Variants in IL2RA observed in about 807,000 individuals in gnomAD.
The protein encoded by IL2RA is interleukin 2 receptor subunit alpha.
Under a neutral mutation model 37.8 loss-of-function variants are expected in IL2RA, and 24 were observed. The ratio of observed to expected loss-of-function variants is 0.63; its 90% CI spans 0.46 to 0.89. IL2RA has a LOEUF of 0.89. Among genes scored for constraint, IL2RA ranks in the 40% least tolerant of loss-of-function variants. The pLI, the probability that IL2RA is intolerant of heterozygous loss-of-function variation, is 0.00. For synonymous variants in IL2RA, 125 were observed against 114.6 expected (o/e 1.09, Z -0.58); for missense variants, 319 against 348.6 (o/e 0.92, Z 0.68).
In IL2RA at chr10:6,021,768, G is replaced by A; in HGVS notation, c.368-75C>T. On this transcript the variant is annotated intron_variant, in intron 3 of 7. Transcript: ENST00000379959. This position sits in a 1 kb window ranked among gnomAD's most constrained non-coding sequence, Gnocchi z 4.9. Reference sequence around the variant, plus strand: ...AGTGAGTCCAGGTTGCCTCTTGCTAGGGACTGGACCTTGGTTCTTACTCTC... The same window carrying A: ...AGTGAGTCCAGGTTGCCTCTTGCTAAGGACTGGACCTTGGTTCTTACTCTC... 8.7e-7 allele frequency: 1 copy of A among 1,150,858 alleles called. No homozygotes were observed. The highest frequency in any genetic ancestry group is 2.3e-5 in the East Asian group (1 of 42,674). 71.3% of individuals were successfully genotyped at this position (1,150,858 alleles called of 1,614,324 possible).
chr10:6,016,577 C>CTT (rs749966800), intron 7 of IL2RA, among the ~76,000 whole-genome samples: 4,127 of 145,750 alleles, frequency 0.028, 94 homozygotes, highest in Middle Eastern at 0.08. Context: ...TTACCTTTTT[C>CTT]TTTTTTTTTT....
rs1839441567 is a variant in IL2RA, at chr10:6,024,290, T to G, written c.321A>C (p.Thr107=). The change falls in exon 3 of 8, where the codon ACA becomes ACC. Residue 107 remains threonine, a synonymous_variant. Transcript: ENST00000379959. ...QPEEQKERKT[T]EMQSPMQPVD... Reference sequence around the variant, plus strand: ...CTGGCTGCATTGGACTTTGCATTTCTGTGGTTTTCCTTTCTTTCTGTTCTT... The same window carrying G: ...CTGGCTGCATTGGACTTTGCATTTCGGTGGTTTTCCTTTCTTTCTGTTCTT... 6.2e-7 allele frequency: 1 copy of G among 1,614,210 alleles called. No individual in the cohort carries two copies. Among genetic ancestry groups the G allele is most frequent in the Non-Finnish European group, 8.5e-7 (1 of 1,180,006 alleles).
intron 1 of IL2RA, among the ~76,000 whole-genome samples, chr10:6,059,298 A>G (rs1252814819): frequency 6.6e-6 from 1 of 152,170 alleles, no homozygotes; most frequent in Non-Finnish European, 1.5e-5. Flanking sequence ...ATGAACAGAA[A>G]CAGAACAATC....
In IL2RA at chr10:6,020,691, C is replaced by CAGG. The variant is rs1215961381; in HGVS notation, c.584-751_584-750insCCT. Among the ~76,000 whole-genome samples the CAGG allele has an allele frequency of 1.3e-5, 2 of 152,062 alleles. No individual in the cohort carries two copies. The highest frequency in any genetic ancestry group is 4.8e-5 in the African/African-American group (2 of 41,374). ...GGGATTACAGGCACCCACCACCACG[C>CAGG]CCAGATAATTTTTGTATTTTTAGTA... On this transcript the variant is annotated intron_variant, in intron 4 of 7. Coordinates refer to ENST00000379959, the MANE Select transcript of IL2RA (RefSeq NM_000417.3). The surrounding 1 kb of genome is among the most constrained non-coding windows in gnomAD (Gnocchi z 5.6).
chr10:6,026,866 C>T (rs1036035483), intron 1 of IL2RA, among the ~76,000 whole-genome samples: 2 of 152,186 alleles, frequency 1.3e-5, no homozygotes, highest in African/African-American at 2.4e-5. Context: ...GGAGGCTGAT[C>T]AGGGCTGCTG....
At chr10:6,030,201 A>T (rs1839554165) in intron 1 of IL2RA, among the ~76,000 whole-genome samples, 1 of 152,328 alleles carries the variant, frequency 6.6e-6, no homozygotes, top group African/African-American at 2.4e-5. Context: ...AATGATAGAG[A>T]AGAGAAAGAA....
chr10:6,044,082 T>C lies in IL2RA; in HGVS notation c.64+18006A>G, dbSNP rs1839813192. ...GGAAAGTCTAACTCCCAATTTTATTTATGAAGTCAATCATCCAAATCACCT... is the reference window on the plus strand; with the variant it reads ...GGAAAGTCTAACTCCCAATTTTATTCATGAAGTCAATCATCCAAATCACCT... On this transcript the variant is annotated intron_variant, in intron 1 of 7. Coordinates refer to ENST00000379959, the MANE Select transcript of IL2RA (RefSeq NM_000417.3). The surrounding 1 kb of genome is among the most constrained non-coding windows in gnomAD (Gnocchi z 4.5). Among the ~76,000 whole-genome samples the C allele has an allele frequency of 6.6e-6, 1 of 152,200 alleles. No individual in the cohort carries two copies. Among genetic ancestry groups the C allele is most frequent in the Non-Finnish European group, 1.5e-5 (1 of 68,034 alleles).
intron 1 of IL2RA, 85 bp downstream of exon 1, chr10:6,062,003 C>G: frequency 1.8e-6 from 2 of 1,139,538 alleles, no homozygotes; most frequent in Non-Finnish European, 2.7e-6. Context: ...AACCATCTAC[C>G]TGGGGACTCC....
Position 6,015,833 on chromosome 10 carries a change from C to T in IL2RA, c.794+2220G>A, listed in dbSNP as rs894460013. Among the ~76,000 whole-genome samples the T allele has an allele frequency of 4.6e-5, 7 of 152,086 alleles. No individual in the cohort carries two copies. Among genetic ancestry groups the T allele is most frequent in the East Asian group, 1.9e-4 (1 of 5,204 alleles). On this transcript the variant is annotated intron_variant, in intron 7 of 7. Coordinates refer to ENST00000379959, the MANE Select transcript of IL2RA (RefSeq NM_000417.3). The surrounding 1 kb of genome is among the most constrained non-coding windows in gnomAD (Gnocchi z 4.9). ...TACATCTGAGGGGCTTTAAAACGTACGACTATCCCAGACATAAAAGGCCAC... is the reference window on the plus strand; with the variant it reads ...TACATCTGAGGGGCTTTAAAACGTATGACTATCCCAGACATAAAAGGCCAC...
At chr10:6,031,471 TA>T (rs1839579934) in intron 1 of IL2RA, among the ~76,000 whole-genome samples, 2 of 15,456 alleles carry the variant, frequency 1.3e-4, no homozygotes, top group African/African-American at 6.0e-4. Context: ...TATATATATA[TA>T]TATATATATA....
Position 6,048,358 on chromosome 10 carries a change from G to A in IL2RA, c.64+13730C>T, listed in dbSNP as rs1839898568. On this transcript the variant is annotated intron_variant, in intron 1 of 7. Coordinates refer to ENST00000379959, the MANE Select transcript of IL2RA (RefSeq NM_000417.3). The surrounding 1 kb of genome is among the most constrained non-coding windows in gnomAD (Gnocchi z 5.3). ...GGGAGGATGGGGTGCCATTCATTGA[G>A]ATAGCAAAGAGAGGAGAAAGAGTAG... is the stretch of plus-strand genomic sequence containing the variant. 6.6e-6 allele frequency among the ~76,000 whole-genome samples: 1 copy of A among 152,220 alleles called. No homozygotes were observed. Among genetic ancestry groups the A allele is most frequent in the African/African-American group, 2.4e-5 (1 of 41,464 alleles).
chr10:6,061,295 G>T (rs1410299654), intron 1 of IL2RA, among the ~76,000 whole-genome samples: 1 of 151,942 alleles, frequency 6.6e-6, no homozygotes, highest in Non-Finnish European at 1.5e-5. Flanking sequence ...GCTGAGGTGG[G>T]AGGATCGCTA....
At chr10:6,049,004 T>G (rs1284180273) in intron 1 of IL2RA, among the ~76,000 whole-genome samples, 1 of 152,162 alleles carries the variant, frequency 6.6e-6, no homozygotes, top group Non-Finnish European at 1.5e-5. Flanking sequence ...AAACAGAATT[T>G]CTCTAGAGAA....
intron 7 of IL2RA, among the ~76,000 whole-genome samples, chr10:6,016,071 G>A (rs1301214985): frequency 1.3e-5 from 2 of 152,178 alleles, no homozygotes; most frequent in Non-Finnish European, 2.9e-5. Flanking sequence ...ATCCCCCAGA[G>A]CTCAGGTGTT....
Position 6,057,992 on chromosome 10 carries a change from G to A in IL2RA, c.64+4096C>T, listed in dbSNP as rs1307494008. On this transcript the variant is annotated intron_variant, in intron 1 of 7. Transcript: ENST00000379959. The surrounding 1 kb of genome is among the most constrained non-coding windows in gnomAD (Gnocchi z 4.8). ...AATACAAAAATTAGCCAGGCGTGGT[G>A]GCAGGTGCCTGTAATCCCAGCTACT... 6.6e-6 allele frequency among the ~76,000 whole-genome samples: 1 copy of A among 152,190 alleles called. No individual in the cohort carries two copies. The highest frequency in any genetic ancestry group is 1.9e-4 in the East Asian group (1 of 5,196).
rs540887405 is a variant in IL2RA at position 6,046,512 on chromosome 10, C to G, written c.64+15576G>C. On this transcript the variant is annotated intron_variant, in intron 1 of 7. Transcript: ENST00000379959. The surrounding 1 kb of genome is among the most constrained non-coding windows in gnomAD (Gnocchi z 4.8). ...GCAGAGAGCTTACGGTTGTAGGTTA[C>G]GTGGTACCAAAAGCCCATGCCTGTG... Among the ~76,000 whole-genome samples the G allele has an allele frequency of 6.6e-6, 1 of 152,156 alleles. No homozygotes were observed. The highest frequency in any genetic ancestry group is 1.5e-5 in the Non-Finnish European group (1 of 68,022).
intron 1 of IL2RA, among the ~76,000 whole-genome samples, chr10:6,052,293 C>G (rs1373102911): frequency 6.6e-6 from 1 of 152,076 alleles, no homozygotes; most frequent in Non-Finnish European, 1.5e-5. Context: ...CTGGGTTTTG[C>G]AGGGGTAATG....
Position 6,016,419 on chromosome 10 carries a change from T to C in IL2RA, c.794+1634A>G, listed in dbSNP as rs144722524. Among the ~76,000 whole-genome samples, 104 of 152,374 alleles carry C rather than the reference T, an allele frequency of 6.8e-4. 1 individual carries two copies. Among genetic ancestry groups the C allele is most frequent in the African/African-American group, 2.4e-3 (101 of 41,586 alleles). On this transcript the variant is annotated intron_variant, in intron 7 of 7. Transcript: ENST00000379959. Reference sequence around the variant, plus strand: ...ATAAGTTACCCAGTCTCAGGCATTCTGTTACAGTAGCACAAAATGGGCTAA... The same window carrying C: ...ATAAGTTACCCAGTCTCAGGCATTCCGTTACAGTAGCACAAAATGGGCTAA...
intron 1 of IL2RA, 68 bp from the exon 2 acceptor site, chr10:6,026,093 A>G (rs762191386): frequency 1.4e-6 from 2 of 1,465,230 alleles, no homozygotes; most frequent in Non-Finnish European, 1.9e-6. Flanking sequence ...ATTTAATCCT[A>G]TAATGACTTA....
Sources: allele counts gnomAD v4.1 joint callset (sites outside exome capture counted in the v4.1 genomes callset), GRCh38; gene constraint gnomAD v4.1.1; non-coding constraint Gnocchi (gnomAD v3.1); transcripts MANE v1.5; gene names NCBI Gene and HGNC (gene_info 2026-07-23, HGNC 2026-07-21).